LRRC4C: variants seen among roughly 807,000 people sequenced by gnomAD.
LRRC4C encodes leucine rich repeat containing 4C.
A neutral mutation model predicts 33.6 loss-of-function variants in LRRC4C; 5 were observed. The observed-to-expected ratio is 0.15, with a 90% CI of 0.08 to 0.31. The LOEUF (loss-of-function observed/expected upper bound fraction) is 0.31, where lower values mean the gene tolerates loss of function less well. LRRC4C is among the 10% of genes least tolerant of loss of function. LRRC4C has a pLI of 1.00. For synonymous variants in LRRC4C, 329 were observed against 302.0 expected (o/e 1.09, Z -0.93); for missense variants, 560 against 796.7 (o/e 0.70, Z 3.58).
At chr11:41,267,912 C>T (rs980078746) in intron 1 of LRRC4C, among the ~76,000 whole-genome samples, 1 of 151,992 alleles carries the variant, frequency 6.6e-6, no homozygotes, top group Non-Finnish European at 1.5e-5. Context: ...AGAGATAATA[C>T]ACAAATATTT....
At chr11:40,194,521 C>G (rs1848174352) in intron 5 of LRRC4C, among the ~76,000 whole-genome samples, 2 of 151,272 alleles carry the variant, frequency 1.3e-5, no homozygotes, top group Admixed American at 1.3e-4. Flanking sequence ...AACACAGGAA[C>G]AGAAAACCAA....
chr11:40,353,116 C>A (rs1488194376), intron 3 of LRRC4C, among the ~76,000 whole-genome samples: 1 of 152,100 alleles, frequency 6.6e-6, no homozygotes, highest in Admixed American at 6.6e-5. Flanking sequence ...ATATTAATAT[C>A]TTTCTCTAGG....
chr11:41,101,653 A>G (rs950272206), intron 1 of LRRC4C, among the ~76,000 whole-genome samples: 4 of 152,222 alleles, frequency 2.6e-5, no homozygotes, highest in Middle Eastern at 3.2e-3. Context: ...CTGGGTATAT[A>G]CCCAAAGGAA....
rs77969143 is a variant in LRRC4C, at chr11:40,609,386, A to G, written c.-270+38756T>C. 8.4e-3 allele frequency among the ~76,000 whole-genome samples: 1,285 copies of G among 152,148 alleles called. 14 individuals carry two copies. The highest frequency in any genetic ancestry group is 0.029 in the African/African-American group (1,195 of 41,562). On this transcript the variant is annotated intron_variant, in intron 3 of 6. Transcript: ENST00000528697. ...GAGACAAATAGAAACCTAATATACC[A>G]AAACTTATCGGATACAACCAAAACA... is the stretch of plus-strand genomic sequence containing the variant.
intron 2 of LRRC4C, among the ~76,000 whole-genome samples, chr11:40,914,314 G>C (rs910093488): frequency 6.6e-6 from 1 of 152,064 alleles, no homozygotes; most frequent in Non-Finnish European, 1.5e-5. Flanking sequence ...TACTGGCAAA[G>C]TGAATCCAGC....
intron 5 of LRRC4C, among the ~76,000 whole-genome samples, chr11:40,217,649 A>G (rs1212088771): frequency 2.0e-5 from 3 of 152,148 alleles, no homozygotes; most frequent in East Asian, 1.9e-4. Flanking sequence ...GTCATTCTTC[A>G]TCATTGTATT....
rs552581624 is a variant in LRRC4C, at chr11:40,213,585, G to A, written c.-96+27934C>T. ...ATTATATGGCCACCCTGATTCCCAA[G>A]ATCCGTCTTCTGTCATAAAATCAGA... On this transcript the variant is annotated intron_variant, in intron 5 of 6. Coordinates refer to ENST00000528697, the MANE Select transcript of LRRC4C (RefSeq NM_001258419.2). 8.5e-5 allele frequency among the ~76,000 whole-genome samples: 13 copies of A among 152,196 alleles called. No individual in the cohort carries two copies. In the East Asian group the frequency reaches 1.9e-3, roughly 23 times the overall value.
Position 40,665,939 on chromosome 11 carries a change from G to A in LRRC4C, c.-406-17661C>T, listed in dbSNP as rs1290480176. Among the ~76,000 whole-genome samples the A allele has an allele frequency of 1.3e-5, 2 of 151,980 alleles. 1 individual carries two copies. Among genetic ancestry groups the A allele is most frequent in the South Asian group, 4.1e-4 (2 of 4,820 alleles). ...TTTATGTATATACAAATACATAAGTGTTATTTATATATGTGTATATATATT... is the reference window on the plus strand; with the variant it reads ...TTTATGTATATACAAATACATAAGTATTATTTATATATGTGTATATATATT... On this transcript the variant is annotated intron_variant, in intron 2 of 6. Transcript: ENST00000528697.
intron 1 of LRRC4C, among the ~76,000 whole-genome samples, chr11:41,225,517 G>A (rs893989029): frequency 6.6e-6 from 1 of 151,988 alleles, no homozygotes; most frequent in African/African-American, 2.4e-5. Context: ...AGAATATTTG[G>A]GCCAGGCCCA....
chr11:41,140,548 C>G (rs951593907), intron 1 of LRRC4C, among the ~76,000 whole-genome samples: 1 of 152,216 alleles, frequency 6.6e-6, no homozygotes, highest in African/African-American at 2.4e-5. Flanking sequence ...TCAACAACCT[C>G]TAACAAAATA....
intron 3 of LRRC4C, among the ~76,000 whole-genome samples, chr11:40,477,308 GA>G (rs113000726): frequency 0.13 from 19,432 of 149,518 alleles, 1,331 homozygotes; most frequent in East Asian, 0.15. Context: ...ACAACATCAA[GA>G]AAAAAAAAAT....
At chr11:40,959,963 T>G (rs1016305273) in intron 1 of LRRC4C, among the ~76,000 whole-genome samples, 7 of 151,724 alleles carry the variant, frequency 4.6e-5, no homozygotes, top group Admixed American at 4.6e-4. Flanking sequence ...CAATGTTAGA[T>G]GATAGTAATT....
intron 2 of LRRC4C, among the ~76,000 whole-genome samples, chr11:40,760,272 T>C (rs1199829710): frequency 2.0e-5 from 3 of 152,138 alleles, no homozygotes; most frequent in Admixed American, 6.6e-5. Flanking sequence ...CATAACATTT[T>C]ATTATAAAAC....
intron 1 of LRRC4C, among the ~76,000 whole-genome samples, chr11:41,399,090 T>G (rs796966532): frequency 1.8e-4 from 28 of 152,098 alleles, no homozygotes; most frequent in African/African-American, 6.3e-4. Flanking sequence ...ATTTGCAAAT[T>G]AAACTGCCAT....
chr11:41,402,224 G>A (rs1229021175), intron 1 of LRRC4C, among the ~76,000 whole-genome samples: 1 of 152,010 alleles, frequency 6.6e-6, no homozygotes, highest in Non-Finnish European at 1.5e-5. Context: ...GCATTTAATT[G>A]ATGAGCTGTC....
chr11:41,078,018 C>T lies in LRRC4C; in HGVS notation c.-495-144295G>A, dbSNP rs181860160. ...ACAGATCTCTAGGGCAGGGGCAAAACGCCACCAGTCTCTTTGCTAAAGCAT... is the reference window on the plus strand; with the variant it reads ...ACAGATCTCTAGGGCAGGGGCAAAATGCCACCAGTCTCTTTGCTAAAGCAT... On this transcript the variant is annotated intron_variant, in intron 1 of 6. Transcript: ENST00000528697. 8.2e-3 allele frequency among the ~76,000 whole-genome samples: 1,249 copies of T among 152,270 alleles called. 20 individuals are homozygous for T. Among genetic ancestry groups the T allele is most frequent in the African/African-American group, 0.029 (1,199 of 41,538 alleles).
At chr11:40,601,254 A>G (rs1332285253) in intron 3 of LRRC4C, among the ~76,000 whole-genome samples, 1 of 151,878 alleles carries the variant, frequency 6.6e-6, no homozygotes, top group African/African-American at 2.4e-5. Context: ...TACTTTTTCC[A>G]TTTCTCCTGC....
intron 1 of LRRC4C, among the ~76,000 whole-genome samples, chr11:41,290,299 C>T (rs987913204): frequency 1.3e-5 from 2 of 152,122 alleles, no homozygotes; most frequent in Non-Finnish European, 2.9e-5. Context: ...ATAAGCACTC[C>T]TGCCTTTCTA....
chr11:40,641,939 G>C (rs761897225), intron 3 of LRRC4C, among the ~76,000 whole-genome samples: 54 of 151,832 alleles, frequency 3.6e-4, no homozygotes, highest in Non-Finnish European at 6.8e-4. Flanking sequence ...AAAATTCAGA[G>C]CCCTTCCTTG....
Sources: allele counts gnomAD v4.1 joint callset (sites outside exome capture counted in the v4.1 genomes callset), GRCh38; gene constraint gnomAD v4.1.1; transcripts MANE v1.5; gene names NCBI Gene and HGNC (gene_info 2026-07-23, HGNC 2026-07-21).